The following MYOF variants were observed in gnomAD, a reference collection of about 807,000 sequenced individuals.
The protein encoded by MYOF is myoferlin, also known as fer-1-like 3, myoferlin.
In MYOF, 244 loss-of-function variants were observed where a neutral mutation model predicts 284.2. The observed-to-expected ratio is 0.86, with a 90% CI of 0.77 to 0.95. The LOEUF (loss-of-function observed/expected upper bound fraction) is 0.95, where lower values mean the gene tolerates loss of function less well. MYOF is among the 40% of genes least tolerant of loss of function. MYOF has a pLI of 0.00. For synonymous variants in MYOF, 904 were observed against 919.7 expected, an observed-to-expected ratio of 0.98 and a Z score of 0.31; for missense variants, 2,496 against 2,560.6, an observed-to-expected ratio of 0.97 and a Z score of 0.54.
chr10:93,340,154 T>G lies in MYOF; in HGVS notation c.4337A>C (p.Lys1446Thr). 1 of 1,613,906 alleles carries G rather than the reference T, an allele frequency of 6.2e-7. No homozygotes were observed. The highest frequency in any genetic ancestry group is 1.1e-5 in the South Asian group (1 of 91,058). ...KPLLASKLTE[K>T]EEEIVDWWSK... ...TAGCAAAATGTATACCATAGTTACC[T>G]TTTCTGTCAGCTGCTCGTGCACATG... Residue 1446 changes from lysine (K) to threonine (T), a missense_variant and splice_region_variant, in exon 39 of 54, where the codon AAG (lysine) becomes ACG (threonine). This residue lies in a region of MYOF where 2,436 missense variants were observed against 2,480.7 expected (regional missense o/e 0.98). Transcript: ENST00000359263.
rs554991733 is a variant in MYOF at position 93,400,028 on chromosome 10, C to G, written c.1118-533G>C. On this transcript the variant is annotated intron_variant, in intron 12 of 53. Transcript: ENST00000359263. Reference sequence around the variant, plus strand: ...CCTAGGTGACAGAGTGAGGCTCTATCTCAAAATAAAATAAAATAAAACAAA... The same window carrying G: ...CCTAGGTGACAGAGTGAGGCTCTATGTCAAAATAAAATAAAATAAAACAAA... Among the ~76,000 whole-genome samples the G allele has an allele frequency of 4.6e-5, 7 of 152,230 alleles. No homozygotes were observed. The East Asian group carries it at 1.2e-3, about 25-fold the overall frequency.
chr10:93,439,546 T>C (rs1212762921), intron 3 of MYOF, among the ~76,000 whole-genome samples: 5 of 152,218 alleles, frequency 3.3e-5, no homozygotes, highest in Admixed American at 3.3e-4. Context: ...AGGGACAGCT[T>C]TGCCTGATGA....
At position 93,347,666 on chromosome 10, in the gene MYOF, A is replaced by T. The variant is rs41298243; in HGVS notation, c.4200T>A (p.Phe1400Leu). Reference sequence around the variant, plus strand: ...CTTTCCCTGCATAAGGGTCACAGCGAAAGCGGTCCAGGCGCTCGATGGTGC... The same window carrying T: ...CTTTCCCTGCATAAGGGTCACAGCGTAAGCGGTCCAGGCGCTCGATGGTGC... ...GQCTIERLDRFRCDPYAGKED... is the reference protein window; with the variant it reads ...GQCTIERLDRLRCDPYAGKED... Residue 1400 changes from phenylalanine (F) to leucine (L), a missense_variant, in exon 37 of 54, where the codon TTT (phenylalanine) becomes TTA (leucine). By Grantham distance (22) the Phe-to-Leu change is conservative (BLOSUM62 0). This residue lies in a region of MYOF where 2,436 missense variants were observed against 2,480.7 expected (regional missense o/e 0.98). Transcript: ENST00000359263. The T allele has an allele frequency of 8.4e-4, 1,357 of 1,614,042 alleles. 1 individual carries two copies. The highest frequency in any genetic ancestry group is 1.1e-3 in the Non-Finnish European group (1,288 of 1,180,008).
intron 38 of MYOF, among the ~76,000 whole-genome samples, chr10:93,340,676 T>C (rs1482205465): frequency 6.6e-6 from 1 of 152,222 alleles, no homozygotes; most frequent in African/African-American, 2.4e-5. Flanking sequence ...CATGCCTATG[T>C]TACAGCACCA....
intron 45 of MYOF, 133 bp downstream of exon 45, chr10:93,328,630 T>C: frequency 1.2e-6 from 1 of 861,354 alleles, no homozygotes; most frequent in Non-Finnish European, 1.7e-6. Flanking sequence ...ACGTGGCTGT[T>C]GTTAGTGTCA....
At chr10:93,338,192 T>C (rs1843704781) in intron 39 of MYOF, 1 of 498,630 alleles carries the variant, frequency 2.0e-6, no homozygotes, top group South Asian at 2.0e-5. Context: ...ACACACAGTC[T>C]ATTAATTTGT....
At position 93,340,138 on chromosome 10, in the gene MYOF, G is replaced by A. The variant is rs773179630; in HGVS notation, c.4338+15C>T. The A allele has an allele frequency of 3.7e-6, 6 of 1,613,628 alleles. No individual in the cohort carries two copies. The highest frequency in any genetic ancestry group is 1.3e-5 in the African/African-American group (1 of 75,026). On this transcript the variant is annotated intron_variant, in intron 39 of 53. Transcript: ENST00000359263. Reference sequence around the variant, plus strand: ...ACATGAATCTTAAATGTAGCAAAATGTATACCATAGTTACCTTTTCTGTCA... The same window carrying A: ...ACATGAATCTTAAATGTAGCAAAATATATACCATAGTTACCTTTTCTGTCA...
At chr10:93,320,216 A>ATCAT (rs1842794335) in intron 48 of MYOF, among the ~76,000 whole-genome samples, 1 of 152,210 alleles carries the variant, frequency 6.6e-6, no homozygotes, top group South Asian at 2.1e-4. Flanking sequence ...CAAATAAAAT[A>ATCAT]TCATTCCCCT....
At chr10:93,418,343 A>AT (rs1564702245) in intron 5 of MYOF, among the ~76,000 whole-genome samples, 1 of 152,136 alleles carries the variant, frequency 6.6e-6, no homozygotes, top group Admixed American at 6.6e-5. Context: ...ATGTAGAATA[A>AT]TTTTTTTCTG....
Position 93,396,244 on chromosome 10 carries a change from A to G in MYOF, c.1335-20T>C, listed in dbSNP as rs369615535. On this transcript the variant is annotated intron_variant, in intron 15 of 53. Coordinates refer to ENST00000359263, the MANE Select transcript of MYOF (RefSeq NM_013451.4). ...CGGTCCCTGTGTAAAAAATAAAAAT[A>G]AAAAAATAAAAAATAAAAGGTTCAG... 4.8e-4 allele frequency: 732 copies of G among 1,515,122 alleles called. 1 individual carries two copies. The highest frequency in any genetic ancestry group is 6.2e-4 in the Non-Finnish European group (696 of 1,115,978). 93.9% of individuals were successfully genotyped at this position (1,515,122 alleles called of 1,614,324 possible). A position where few individuals can be genotyped will look rare whatever the true frequency, so the allele number is the denominator to read the frequency against.
intron 3 of MYOF, among the ~76,000 whole-genome samples, chr10:93,446,149 G>A (rs1434235243): frequency 4.6e-5 from 7 of 152,188 alleles, no homozygotes; most frequent in African/African-American, 1.2e-4. Flanking sequence ...GAGCAGAGGC[G>A]GTGGAGGGGC....
At chr10:93,387,512 C>T (rs1254613916) in intron 19 of MYOF, among the ~76,000 whole-genome samples, 2 of 152,208 alleles carry the variant, frequency 1.3e-5, no homozygotes, top group Non-Finnish European at 2.9e-5. Context: ...GTGGCACCTA[C>T]AGCTCTTGGT....
At chr10:93,465,533 C>CTTTTTTTT (rs753278804) in intron 1 of MYOF, among the ~76,000 whole-genome samples, 6 of 53,214 alleles carry the variant, frequency 1.1e-4, no homozygotes, top group African/African-American at 2.7e-4. Context: ...TCTTTTTTTT[C>CTTTTTTTT]TTTTCTTTTT....
chr10:93,309,535 C>A (rs1404923387), intron 53 of MYOF, among the ~76,000 whole-genome samples: 1 of 152,064 alleles, frequency 6.6e-6, no homozygotes, highest in Non-Finnish European at 1.5e-5. Context: ...TTGGCAAAGG[C>A]ATCCAGATAG....
chr10:93,351,162 T>G, intron 35 of MYOF, 35 bp downstream of exon 35: 1 of 1,592,060 alleles, frequency 6.3e-7, no homozygotes. Context: ...TCACATCCGT[T>G]TGATTTGATG....
intron 2 of MYOF, among the ~76,000 whole-genome samples, chr10:93,454,555 G>A (rs988730082): frequency 3.5e-4 from 54 of 152,308 alleles, no homozygotes; most frequent in African/African-American, 1.2e-3. Flanking sequence ...AATCCACAAT[G>A]ACCAACCCAA....
rs1389773723 is a variant in MYOF at position 93,347,500 on chromosome 10, C to T, written c.4249+117G>A. 14 of 961,068 alleles carry T rather than the reference C, an allele frequency of 1.5e-5. No individual in the cohort carries two copies. The Admixed American group carries it at 4.4e-4, about 30-fold the overall frequency. 59.5% of individuals were successfully genotyped at this position (961,068 alleles called of 1,614,324 possible). On this transcript the variant is annotated intron_variant, in intron 37 of 53. Transcript: ENST00000359263. ...CCGGGAAGCGGAGCTTGCAGTGAGC[C>T]GAGATTGCGCCACTGCAGTCCGCAG... is the stretch of plus-strand genomic sequence containing the variant.
chr10:93,396,314 A>G (rs560474303), intron 15 of MYOF, 90 bp from the exon 16 acceptor site: 3 of 954,170 alleles, frequency 3.1e-6, no homozygotes, highest in South Asian at 3.7e-5. Flanking sequence ...AATTAAAAAA[A>G]AGTTAGAGCT....
chr10:93,319,291 T>C (rs1175713549), intron 49 of MYOF, among the ~76,000 whole-genome samples: 1 of 152,138 alleles, frequency 6.6e-6, no homozygotes, highest in Non-Finnish European at 1.5e-5. Flanking sequence ...ATCACTTCAC[T>C]GTGGGATCCA....
Sources: gnomAD v4.1 joint callset for allele counts (sites outside exome capture counted in the v4.1 genomes callset) on GRCh38, gnomAD v4.1.1 for gene constraint, gnomAD v4.1.1 regional missense constraint, MANE v1.5 for transcripts, NCBI Gene and HGNC (gene_info 2026-07-23, HGNC 2026-07-21) for gene names.